SETBP1: variants seen among roughly 807,000 people sequenced by gnomAD.
The protein encoded by SETBP1 is SET-binding protein.
SETBP1 carries 9 observed loss-of-function variants against 101.0 expected under a neutral mutation model. The observed-to-expected ratio is 0.09, with a 90% CI of 0.05 to 0.16. The LOEUF is 0.16. SETBP1 is among the 10% of genes least tolerant of loss of function. The probability of loss-of-function intolerance (pLI) is 1.00; values close to 1 mark genes in which losing one functional copy is unlikely to be tolerated. For synonymous variants in SETBP1, 818 were observed against 788.5 expected (o/e 1.04, Z -0.63); for missense variants, 1,858 against 2,033.8 (o/e 0.91, Z 1.66).
intron 3 of SETBP1, among the ~76,000 whole-genome samples, chr18:44,916,335 A>C (rs762184972): frequency 1.3e-5 from 2 of 152,210 alleles, no homozygotes; most frequent in Non-Finnish European, 2.9e-5. Context: ...TCCGATTTTC[A>C]GGCTGGCTGG....
At chr18:44,841,497 T>A in intron 2 of SETBP1, among the ~76,000 whole-genome samples, 1 of 152,190 alleles carries the variant, frequency 6.6e-6, no homozygotes, top group East Asian at 1.9e-4. Flanking sequence ...CTCCACCTTT[T>A]GAGAGGAAGA....
At position 44,950,198 on chromosome 18, in the gene SETBP1, G is replaced by A. The variant is rs1053870553; in HGVS notation, c.858G>A (p.Leu286=). ...QLSNNNKDLL[L]GGVAPSPSSH... ...CTAACAATAACAAAGATCTGCTCTT[G>A]GGAGGTGTGGCTCCATCCCCAAGCA... Residue 286 remains leucine, a synonymous_variant, in exon 4 of 6, where the codon TTG becomes TTA. Transcript: ENST00000649279. 3.1e-6 allele frequency: 5 copies of A among 1,613,782 alleles called. No individual in the cohort carries two copies. The highest frequency in any genetic ancestry group is 1.6e-4 in the Middle Eastern group (1 of 6,084).
At chr18:44,842,500 C>T (rs2072636514) in intron 2 of SETBP1, among the ~76,000 whole-genome samples, 1 of 152,208 alleles carries the variant, frequency 6.6e-6, no homozygotes, top group Admixed American at 6.5e-5. Context: ...GGTGACTACC[C>T]TGGTCATAGA....
chr18:44,684,445 C>G (rs2068804854), intron 1 of SETBP1, among the ~76,000 whole-genome samples: 1 of 152,032 alleles, frequency 6.6e-6, no homozygotes, highest in Non-Finnish European at 1.5e-5. Flanking sequence ...GATTTTGATG[C>G]CCCCCTGAGA....
intron 5 of SETBP1, among the ~76,000 whole-genome samples, chr18:45,045,133 A>C (rs1179776527): frequency 6.6e-6 from 1 of 151,968 alleles, no homozygotes; most frequent in African/African-American, 2.4e-5. Flanking sequence ...AAAAAAAATA[A>C]AAAAATACAG....
At chr18:44,914,906 G>T (rs1000094642) in intron 3 of SETBP1, among the ~76,000 whole-genome samples, 1 of 151,940 alleles carries the variant, frequency 6.6e-6, no homozygotes, top group East Asian at 1.9e-4. Flanking sequence ...GCTGGCTGCT[G>T]GTGTAAGCTG....
intron 2 of SETBP1, among the ~76,000 whole-genome samples, chr18:44,854,168 A>G (rs1387817074): frequency 6.6e-6 from 1 of 151,954 alleles, no homozygotes; most frequent in Non-Finnish European, 1.5e-5. Flanking sequence ...AATGCATCAC[A>G]AGGCCTGGCA....
intron 2 of SETBP1, among the ~76,000 whole-genome samples, chr18:44,806,694 G>A (rs1279601522): frequency 1.8e-5 from 2 of 111,454 alleles, no homozygotes; most frequent in Non-Finnish European, 3.4e-5. Flanking sequence ...TAAGAGATAG[G>A]GTCTTGTTAC....
intron 2 of SETBP1, among the ~76,000 whole-genome samples, chr18:44,787,358 G>GCTTTCCTTCTCCTTCAA (rs1295780857): frequency 2.6e-5 from 4 of 152,268 alleles, no homozygotes; most frequent in African/African-American, 9.6e-5. Flanking sequence ...AGAAAAAAAT[G>GCTTTCCTTCTCCTTCAA]CTGCTAAGTT....
chr18:44,739,382 A>T (rs1033702850), intron 2 of SETBP1, among the ~76,000 whole-genome samples: 1 of 152,266 alleles, frequency 6.6e-6, no homozygotes, highest in South Asian at 2.1e-4. Context: ...AAACAACTTT[A>T]CCTTGCCTTT....
At chr18:44,812,478 T>A (rs1203179023) in intron 2 of SETBP1, among the ~76,000 whole-genome samples, 1 of 152,152 alleles carries the variant, frequency 6.6e-6, no homozygotes, top group East Asian at 1.9e-4. Context: ...CAAGCACTTG[T>A]GGGTTGCACT....
chr18:44,921,432 G>T (rs1208923925), intron 3 of SETBP1, among the ~76,000 whole-genome samples: 1 of 152,088 alleles, frequency 6.6e-6, no homozygotes, highest in Non-Finnish European at 1.5e-5. Context: ...TGAGGTTCCA[G>T]TGGCAGTGGG....
chr18:44,914,695 A>C (rs2070387628), intron 3 of SETBP1, among the ~76,000 whole-genome samples: 2 of 152,100 alleles, frequency 1.3e-5, no homozygotes, highest in African/African-American at 4.8e-5. Context: ...AGATTTTTAG[A>C]AGGTTAATGT....
chr18:44,967,618 G>A (rs955167908), intron 4 of SETBP1, among the ~76,000 whole-genome samples: 2 of 152,172 alleles, frequency 1.3e-5, no homozygotes, highest in Non-Finnish European at 2.9e-5. Flanking sequence ...CCTGGAGAAG[G>A]ATCCACCTCA....
intron 2 of SETBP1, among the ~76,000 whole-genome samples, chr18:44,736,567 C>A (rs757847040): frequency 6.6e-6 from 1 of 152,148 alleles, no homozygotes; most frequent in Admixed American, 6.5e-5. Context: ...CTTTTTTGTG[C>A]CACATGGTTG....
chr18:44,760,339 A>C (rs190158222), intron 2 of SETBP1, among the ~76,000 whole-genome samples: 1 of 152,296 alleles, frequency 6.6e-6, no homozygotes, highest in East Asian at 1.9e-4. Flanking sequence ...ATGTGTCTGT[A>C]CTTGAAGATG....
At chr18:44,799,146 C>T (rs1309334556) in intron 2 of SETBP1, among the ~76,000 whole-genome samples, 1 of 152,124 alleles carries the variant, frequency 6.6e-6, no homozygotes, top group South Asian at 2.1e-4. Flanking sequence ...TTTTTATGAA[C>T]AGAATTATGA....
intron 2 of SETBP1, among the ~76,000 whole-genome samples, chr18:44,852,353 G>A (rs963473810): frequency 6.6e-6 from 1 of 152,136 alleles, no homozygotes; most frequent in African/African-American, 2.4e-5. Flanking sequence ...CTATACTCTG[G>A]CAGTTGTGCC....
At chr18:44,716,518 A>G (rs980145539) in intron 2 of SETBP1, among the ~76,000 whole-genome samples, 7 of 152,020 alleles carry the variant, frequency 4.6e-5, no homozygotes, top group African/African-American at 1.4e-4. Context: ...CTTATTTCTG[A>G]AAAATGGGAA....
Sources: gnomAD v4.1 joint callset for allele counts (sites outside exome capture counted in the v4.1 genomes callset) on GRCh38, gnomAD v4.1.1 for gene constraint, MANE v1.5 for transcripts, NCBI Gene and HGNC (gene_info 2026-07-23, HGNC 2026-07-21) for gene names.